The following SLC9A9 variants were observed in gnomAD, a reference collection of about 807,000 sequenced individuals.
SLC9A9 encodes the protein solute carrier family 9 member A9.
SLC9A9 carries 62 observed loss-of-function variants against 77.8 expected under a neutral mutation model. The ratio of observed to expected loss-of-function variants is 0.80; its 90% CI spans 0.65 to 0.98. SLC9A9 has a LOEUF of 0.98. Ranked by LOEUF, SLC9A9 falls within the 50% of genes least tolerant of loss-of-function variation. The pLI is 0.00. For missense variants in SLC9A9, 775 were observed against 774.9 expected (o/e 1.00, Z 0.00); for synonymous variants, 320 against 283.5 (o/e 1.13, Z -1.29).
At chr3:143,606,460 A>ATG in intron 6 of SLC9A9, among the ~76,000 whole-genome samples, 1 of 144,148 alleles carries the variant, frequency 6.9e-6, no homozygotes, top group Admixed American at 7.0e-5. Context: ...ATATATATAT[A>ATG]TGTATATAAA....
chr3:143,536,841 A>C (rs1401479849), intron 9 of SLC9A9, among the ~76,000 whole-genome samples: 1 of 152,182 alleles, frequency 6.6e-6, no homozygotes, highest in Non-Finnish European at 1.5e-5. Flanking sequence ...GACTCCCCAA[A>C]GGGATCTTCA....
At chr3:143,813,813 G>T (rs1263356374) in intron 2 of SLC9A9, among the ~76,000 whole-genome samples, 1 of 152,130 alleles carries the variant, frequency 6.6e-6, no homozygotes, top group Non-Finnish European at 1.5e-5. Flanking sequence ...TTGAACATCA[G>T]GCCATGTGAA....
intron 4 of SLC9A9, among the ~76,000 whole-genome samples, chr3:143,749,731 T>C (rs1363278969): frequency 6.6e-6 from 1 of 152,184 alleles, no homozygotes; most frequent in Non-Finnish European, 1.5e-5. Flanking sequence ...TCAGAGAGTT[T>C]AAATTGCCCT....
chr3:143,390,905 G>A (rs867137624), intron 12 of SLC9A9, among the ~76,000 whole-genome samples: 46 of 152,342 alleles, frequency 3.0e-4, no homozygotes, highest in Middle Eastern at 3.4e-3. Context: ...GCTGGGGGAG[G>A]GGTGCCCACC....
chr3:143,403,251 TA>T (rs1484344139), intron 12 of SLC9A9, among the ~76,000 whole-genome samples: 1 of 152,196 alleles, frequency 6.6e-6, no homozygotes, highest in Non-Finnish European at 1.5e-5. Flanking sequence ...GGATTTGAGT[TA>T]CTGTCTCATG....
At chr3:143,489,570 T>G (rs1187401145) in intron 11 of SLC9A9, among the ~76,000 whole-genome samples, 1 of 151,852 alleles carries the variant, frequency 6.6e-6, no homozygotes, top group East Asian at 1.9e-4. Context: ...ACTATAAAAC[T>G]CTTAGAAAAA....
intron 4 of SLC9A9, among the ~76,000 whole-genome samples, chr3:143,696,714 G>T (rs1165347234): frequency 6.6e-6 from 1 of 152,012 alleles, no homozygotes; most frequent in African/African-American, 2.4e-5. Context: ...AGTTAATTTT[G>T]CAAGTTAGGA....
intron 5 of SLC9A9, among the ~76,000 whole-genome samples, chr3:143,688,548 GA>G (rs1933354421): frequency 6.6e-6 from 1 of 152,104 alleles, no homozygotes; most frequent in South Asian, 2.1e-4. Context: ...TAGATAGGCT[GA>G]AAATTTATAC....
intron 1 of SLC9A9, among the ~76,000 whole-genome samples, chr3:143,847,295 A>G (rs899562909): frequency 6.6e-6 from 1 of 152,330 alleles, no homozygotes; most frequent in South Asian, 2.1e-4. Context: ...CTGAGATAAG[A>G]GCAGTGAAGT....
At chr3:143,317,549 C>T (rs2031256362) in intron 14 of SLC9A9, among the ~76,000 whole-genome samples, 1 of 152,154 alleles carries the variant, frequency 6.6e-6, no homozygotes, top group African/African-American at 2.4e-5. Flanking sequence ...CACTTTCCAC[C>T]CTTGTTTTTC....
At chr3:143,390,704 A>C (rs2033541189) in intron 12 of SLC9A9, among the ~76,000 whole-genome samples, 1 of 152,192 alleles carries the variant, frequency 6.6e-6, no homozygotes, top group Non-Finnish European at 1.5e-5. Flanking sequence ...TTCCTAGTCA[A>C]GGGAAGCTGT....
chr3:143,577,731 G>T (rs1268184888), intron 7 of SLC9A9, among the ~76,000 whole-genome samples: 1 of 152,088 alleles, frequency 6.6e-6, no homozygotes, highest in African/African-American at 2.4e-5. Context: ...ATAGAAAAAG[G>T]CCCCCAATAT....
Position 143,589,794 on chromosome 3 carries a change from C to T in SLC9A9, c.756-11071G>A, listed in dbSNP as rs568447071. On this transcript the variant is annotated intron_variant, in intron 6 of 15. Coordinates refer to ENST00000316549, the MANE Select transcript of SLC9A9 (RefSeq NM_173653.4). Reference sequence around the variant, plus strand: ...AAATGGAGCATCATTAGATTCAGATCTCACCAAGGGAAAGCCTGTGACTGG... The same window carrying T: ...AAATGGAGCATCATTAGATTCAGATTTCACCAAGGGAAAGCCTGTGACTGG... 6.1e-4 allele frequency among the ~76,000 whole-genome samples: 93 copies of T among 152,276 alleles called. 1 individual carries two copies. Among genetic ancestry groups the T allele is most frequent in the African/African-American group, 1.9e-3 (80 of 41,542 alleles).
At chr3:143,778,209 C>T (rs1008441017) in intron 4 of SLC9A9, among the ~76,000 whole-genome samples, 1 of 152,048 alleles carries the variant, frequency 6.6e-6, no homozygotes, top group Non-Finnish European at 1.5e-5. Context: ...GAGCACCGAG[C>T]TCACAGATCA....
At chr3:143,415,145 T>C (rs552141205) in intron 12 of SLC9A9, among the ~76,000 whole-genome samples, 7 of 152,348 alleles carry the variant, frequency 4.6e-5, no homozygotes, top group East Asian at 1.9e-4. Flanking sequence ...GAAGAAAAGT[T>C]TGAAGCTAGC....
chr3:143,686,530 G>A (rs1251579015), intron 5 of SLC9A9, among the ~76,000 whole-genome samples: 2 of 152,026 alleles, frequency 1.3e-5, no homozygotes, highest in East Asian at 1.9e-4. Flanking sequence ...AAGAAGGTGG[G>A]GAGGGAGCAA....
chr3:143,549,629 A>T (rs1162953825), intron 9 of SLC9A9, among the ~76,000 whole-genome samples: 4 of 152,164 alleles, frequency 2.6e-5, no homozygotes, highest in Non-Finnish European at 5.9e-5. Flanking sequence ...AATGCTGGCA[A>T]CCTGTCAGGG....
intron 4 of SLC9A9, among the ~76,000 whole-genome samples, chr3:143,750,914 TA>T (rs941552163): frequency 2.4e-4 from 37 of 152,294 alleles, no homozygotes; most frequent in African/African-American, 8.7e-4. Flanking sequence ...TATGGGGCAG[TA>T]GATTTCCTTT....
At chr3:143,665,749 C>T (rs147082999) in intron 5 of SLC9A9, among the ~76,000 whole-genome samples, 1 of 152,078 alleles carries the variant, frequency 6.6e-6, no homozygotes, top group Non-Finnish European at 1.5e-5. Context: ...GGATAAATTC[C>T]TGGACACATA....
Sources: allele counts gnomAD v4.1 joint callset (sites outside exome capture counted in the v4.1 genomes callset), GRCh38; gene constraint gnomAD v4.1.1; transcripts MANE v1.5; gene names NCBI Gene and HGNC (gene_info 2026-07-23, HGNC 2026-07-21).